The following ZBED4 variants were observed in gnomAD, a reference collection of about 807,000 sequenced individuals.
ZBED4 encodes the protein zinc finger BED domain-containing protein 4.
ZBED4 carries 4 observed loss-of-function variants against 15.5 expected under a neutral mutation model. The ratio of observed to expected loss-of-function variants is 0.26; its 90% CI spans 0.13 to 0.59. ZBED4 has a LOEUF of 0.59. Ranked by LOEUF, ZBED4 falls within the 20% of genes least tolerant of loss-of-function variation. The probability of loss-of-function intolerance (pLI) is 0.90; values close to 1 mark genes in which losing one functional copy is unlikely to be tolerated. For missense variants in ZBED4, 1,323 were observed against 1,461.8 expected (o/e 0.91, Z 1.55); for synonymous variants, 692 against 608.5 (o/e 1.14, Z -2.02).
chr22:49,859,507 A>C (rs1012718240), intron 1 of ZBED4, among the ~76,000 whole-genome samples: 2 of 151,970 alleles, frequency 1.3e-5, no homozygotes, highest in Admixed American at 1.3e-4. Flanking sequence ...GCTCACGGTG[A>C]TGTCTTTCCC....
intron 1 of ZBED4, among the ~76,000 whole-genome samples, chr22:49,877,815 C>G (rs904118076): frequency 6.6e-6 from 1 of 152,134 alleles, no homozygotes; most frequent in African/African-American, 2.4e-5. Flanking sequence ...CCCCTCGTGG[C>G]CCCTCCTCCC....
intron 1 of ZBED4, among the ~76,000 whole-genome samples, chr22:49,868,640 C>T (rs2060332171): frequency 6.6e-6 from 1 of 152,010 alleles, no homozygotes; most frequent in South Asian, 2.1e-4. Flanking sequence ...TGATTATAAA[C>T]CTCCAAGTAA....
chr22:49,864,535 G>T (rs2060311189), intron 1 of ZBED4, among the ~76,000 whole-genome samples: 1 of 152,198 alleles, frequency 6.6e-6, no homozygotes, highest in African/African-American at 2.4e-5. Context: ...CCTGATTGGA[G>T]CCTGGGCATG....
intron 1 of ZBED4, among the ~76,000 whole-genome samples, chr22:49,870,561 A>C (rs2060341839): frequency 6.6e-6 from 1 of 151,804 alleles, no homozygotes; most frequent in Non-Finnish European, 1.5e-5. Context: ...TTTGATTTGC[A>C]CTTCTCTGAT....
At chr22:49,877,335 A>C (rs1313271649) in intron 1 of ZBED4, among the ~76,000 whole-genome samples, 1 of 151,980 alleles carries the variant, frequency 6.6e-6, no homozygotes, top group Non-Finnish European at 1.5e-5. Flanking sequence ...TCTGTCGCCC[A>C]GGCTGGAGTG....
chr22:49,865,521 T>C (rs1389403029), intron 1 of ZBED4, among the ~76,000 whole-genome samples: 1 of 151,864 alleles, frequency 6.6e-6, no homozygotes, highest in Non-Finnish European at 1.5e-5. Flanking sequence ...AACCCGTCTC[T>C]ATTAAAATAC....
rs533789921 is a variant in ZBED4 at position 49,885,669 on chromosome 22, C to T, written c.2007C>T (p.Asp669=). 2.1e-5 allele frequency: 34 copies of T among 1,612,642 alleles called. No individual in the cohort carries two copies. The highest frequency in any genetic ancestry group is 8.9e-5 in the East Asian group (4 of 44,856). Reference sequence around the variant, plus strand: ...TCATAGCTGAAATGATTGCACTTGACCTCCAGCCATATTCTTTTGTAGACA... The same window carrying T: ...TCATAGCTGAAATGATTGCACTTGATCTCCAGCCATATTCTTTTGTAGACA... ...TSLIAEMIAL[D]LQPYSFVDNV... The change falls in exon 2 of 2, where the codon GAC becomes GAT. Residue 669 remains aspartate, a synonymous_variant. Transcript: ENST00000216268.
At chr22:49,863,639 A>G (rs1390033733) in intron 1 of ZBED4, among the ~76,000 whole-genome samples, 2 of 152,178 alleles carry the variant, frequency 1.3e-5, no homozygotes, top group African/African-American at 4.8e-5. Flanking sequence ...AAAAAAAAAA[A>G]AAAGTGTGAT....
intron 1 of ZBED4, among the ~76,000 whole-genome samples, chr22:49,868,996 T>C (rs2060333643): frequency 6.7e-6 from 1 of 150,372 alleles, no homozygotes; most frequent in Non-Finnish European, 1.5e-5. Flanking sequence ...TGATGGTGTA[T>C]GCCTGTAATC....
Position 49,886,806 on chromosome 22 carries a change from G to C in ZBED4, c.3144G>C (p.Arg1048Ser). The stretch of plus-strand genomic sequence containing the variant: ...CAGAGGACGTGGCTGCCTCCCACAG[G>C]TGTGATGCTGGCTCCCCGTCGAAAG... Reference protein sequence around the residue: ...STSEDVAASHRCDAGSPSKDS... With the variant: ...STSEDVAASHSCDAGSPSKDS... Residue 1048 changes from arginine (R) to serine (S), a missense_variant, in exon 2 of 2, where the codon AGG becomes AGC. By Grantham distance (110) the Arg-to-Ser change is moderately radical (BLOSUM62 -1). Coordinates refer to ENST00000216268, the MANE Select transcript of ZBED4 (RefSeq NM_014838.3). The surrounding 1 kb of genome is among the most constrained non-coding windows in gnomAD (Gnocchi z 7.7). 1 of 1,613,384 alleles carries C rather than the reference G, an allele frequency of 6.2e-7. No individual in the cohort carries two copies.
chr22:49,858,551 C>T (rs1392094894), intron 1 of ZBED4, among the ~76,000 whole-genome samples: 2 of 152,168 alleles, frequency 1.3e-5, no homozygotes, highest in Non-Finnish European at 2.9e-5. Flanking sequence ...ACGTCCCTTG[C>T]CCCCAGCTGG....
Position 49,888,245 on chromosome 22 carries a change from A to G in ZBED4, c.*1067A>G, listed in dbSNP as rs1601807674. 3.0e-5 allele frequency: 5 copies of G among 167,166 alleles called. No homozygotes were observed. In the South Asian group the frequency reaches 1.0e-3, roughly 35 times the overall value. The allele number at this position is 167,166 out of a possible 1,614,324, so 10.4% of individuals were successfully genotyped here. ...TTTAAAAGTTATGTCTTCAGAGAAA[A>G]AAAGATTCATTTTCTCATTTTAAAC... is the stretch of plus-strand genomic sequence containing the variant. On this transcript the variant is annotated 3_prime_UTR_variant, in exon 2 of 2. Transcript: ENST00000216268.
At position 49,884,083 on chromosome 22, in the gene ZBED4, A is replaced by G; in HGVS notation, c.421A>G (p.Lys141Glu). The change falls in exon 2 of 2, where the codon AAG becomes GAG. Residue 141 changes from lysine to glutamate, a missense_variant. Lys to Glu is a moderately conservative substitution (Grantham distance 56). Coordinates refer to ENST00000216268, the MANE Select transcript of ZBED4 (RefSeq NM_014838.3). Reference sequence around the variant, plus strand: ...TAAAGCAATATGCATGTACTGTGTGAAGGAGTTCAGCAGAGGCAAAAACGA... The same window carrying G: ...TAAAGCAATATGCATGTACTGTGTGGAGGAGTTCAGCAGAGGCAAAAACGA... ...STKAICMYCV[K>E]EFSRGKNEKD... 6.2e-7 allele frequency: 1 copy of G among 1,611,822 alleles called. No individual in the cohort carries two copies. The highest frequency in any genetic ancestry group is 2.2e-5 in the East Asian group (1 of 44,874).
intron 1 of ZBED4, among the ~76,000 whole-genome samples, chr22:49,862,956 C>G (rs2060304233): frequency 6.6e-6 from 1 of 152,104 alleles, no homozygotes; most frequent in Non-Finnish European, 1.5e-5. Flanking sequence ...CCTGCCTCAG[C>G]CTCCCAAAAT....
upstream of ZBED4, chr22:49,853,145 C>G (rs1380171740): frequency 6.6e-6 from 1 of 152,322 alleles, no homozygotes; most frequent in African/African-American, 2.4e-5. Context: ...TTTATTTGGT[C>G]TGCTCAAACA....
Position 49,888,903 on chromosome 22 carries a change from T to A in ZBED4, c.*1725T>A, listed in dbSNP as rs527954185. 1.3e-4 allele frequency: 22 copies of A among 167,360 alleles called. No individual in the cohort carries two copies. Among genetic ancestry groups the A allele is most frequent in the African/African-American group, 5.1e-4 (21 of 41,570 alleles). 10.4% of individuals were successfully genotyped at this position (167,360 alleles called of 1,614,324 possible). ...AGTGTCATCCTGGTGTAGAAAGGGTTGCGCACAGGATAGGAGGGAGCCACA... is the reference window on the plus strand; with the variant it reads ...AGTGTCATCCTGGTGTAGAAAGGGTAGCGCACAGGATAGGAGGGAGCCACA... On this transcript the variant is annotated 3_prime_UTR_variant, in exon 2 of 2. Transcript: ENST00000216268.
In ZBED4 at chr22:49,887,239, A is replaced by C; in HGVS notation, c.*61A>C. 1 of 1,535,862 alleles carries C rather than the reference A, an allele frequency of 6.5e-7. No individual in the cohort carries two copies. The highest frequency in any genetic ancestry group is 8.8e-7 in the Non-Finnish European group (1 of 1,134,620). ...TGCCCCAGCGTTAGCAGCCTGTACCAGGTCTATGACCCGCTCTGCCCACGG... is the reference window on the plus strand; with the variant it reads ...TGCCCCAGCGTTAGCAGCCTGTACCCGGTCTATGACCCGCTCTGCCCACGG... On this transcript the variant is annotated 3_prime_UTR_variant, in exon 2 of 2. Transcript: ENST00000216268.
At chr22:49,877,901 A>G (rs540113263) in intron 1 of ZBED4, among the ~76,000 whole-genome samples, 17 of 152,254 alleles carry the variant, frequency 1.1e-4, no homozygotes, top group African/African-American at 4.1e-4. Flanking sequence ...GCGTGTATCC[A>G]TTCATTCTTT....
At chr22:49,862,050 G>A (rs542610720) in intron 1 of ZBED4, among the ~76,000 whole-genome samples, 1 of 152,300 alleles carries the variant, frequency 6.6e-6, no homozygotes, top group East Asian at 1.9e-4. Context: ...GGGTGAGAAG[G>A]GGTATCTTGA....
Sources: allele counts gnomAD v4.1 joint callset (sites outside exome capture counted in the v4.1 genomes callset), GRCh38; gene constraint gnomAD v4.1.1; non-coding constraint Gnocchi (gnomAD v3.1); transcripts MANE v1.5; gene names NCBI Gene and HGNC (gene_info 2026-07-23, HGNC 2026-07-21).